SLC14A2: variants seen among roughly 807,000 people sequenced by gnomAD.
SLC14A2 encodes the protein urea transporter 2.
SLC14A2 carries 91 observed loss-of-function variants against 104.6 expected under a neutral mutation model. That is an observed-to-expected ratio of 0.87 (90% CI 0.73 to 1.04). SLC14A2 has a LOEUF of 1.04. Ranked by LOEUF, SLC14A2 falls within the 50% of genes least tolerant of loss-of-function variation. SLC14A2 has a pLI of 0.00. For missense variants in SLC14A2, 1,189 were observed against 1,156.0 expected (o/e 1.03, Z -0.41); for synonymous variants, 476 against 466.4 (o/e 1.02, Z -0.27).
chr18:45,187,032 G>A, the SLC14A2 span, among the ~76,000 whole-genome samples: 2 of 152,240 alleles, frequency 1.3e-5, no homozygotes, highest in Non-Finnish European at 2.9e-5. Flanking sequence ...GCCATTAGAT[G>A]GTTTTCAGAA....
intron 15 of SLC14A2, 39 bp from the exon 16 acceptor site, chr18:45,669,267 C>T (rs368079588): frequency 3.0e-5 from 46 of 1,551,116 alleles, no homozygotes; most frequent in Admixed American, 6.9e-5. Flanking sequence ...TATGACCAGG[C>T]GGCTTCCTGA....
At chr18:45,215,885 G>A (rs766473494) in intron 1 of SLC14A2, among the ~76,000 whole-genome samples, 2 of 151,880 alleles carry the variant, frequency 1.3e-5, no homozygotes, top group East Asian at 1.9e-4. Flanking sequence ...TTTGGCTTTG[G>A]TGGAATGAGA....
intron 1 of SLC14A2, among the ~76,000 whole-genome samples, chr18:45,366,569 A>G (rs1439429993): frequency 1.3e-5 from 2 of 152,080 alleles, no homozygotes; most frequent in Non-Finnish European, 2.9e-5. Flanking sequence ...TTCTCTTACT[A>G]TAGTGCCTTC....
chr18:45,392,667 G>A (rs984515994), intron 1 of SLC14A2, among the ~76,000 whole-genome samples: 1 of 152,064 alleles, frequency 6.6e-6, no homozygotes, highest in South Asian at 2.1e-4. Flanking sequence ...TATATTTAGT[G>A]CAAAAATATG....
intron 2 of SLC14A2, among the ~76,000 whole-genome samples, chr18:45,606,991 C>G (rs556379140): frequency 1.1e-4 from 17 of 152,236 alleles, no homozygotes; most frequent in African/African-American, 4.1e-4. Context: ...ACAGACATTG[C>G]AAATGAGAGG....
intron 1 of SLC14A2, among the ~76,000 whole-genome samples, chr18:45,308,770 T>C (rs1568145311): frequency 6.6e-6 from 1 of 152,236 alleles, no homozygotes; most frequent in Non-Finnish European, 1.5e-5. Context: ...ATATTTATTA[T>C]TTGATTCAGG....
chr18:45,273,001 G>A (rs576517300), intron 1 of SLC14A2, among the ~76,000 whole-genome samples: 37 of 152,186 alleles, frequency 2.4e-4, no homozygotes, highest in African/African-American at 7.9e-4. Flanking sequence ...ATCAGGAATC[G>A]TGCAATTGCA....
At chr18:45,290,393 G>A (rs1343410004) in intron 1 of SLC14A2, among the ~76,000 whole-genome samples, 4 of 152,196 alleles carry the variant, frequency 2.6e-5, no homozygotes, top group Non-Finnish European at 5.9e-5. Flanking sequence ...CTTCTTAGAG[G>A]CTTTATGTGA....
chr18:45,337,499 T>C (rs967855538), intron 1 of SLC14A2, among the ~76,000 whole-genome samples: 8 of 152,080 alleles, frequency 5.3e-5, no homozygotes, highest in Non-Finnish European at 1.0e-4. Context: ...AATCCTAAAC[T>C]TCCTCAACCA....
chr18:45,491,946 C>T (rs908552640), intron 2 of SLC14A2: 1 of 152,216 alleles, frequency 6.6e-6, no homozygotes, highest in African/African-American at 2.4e-5. Flanking sequence ...ATGGTAGGAA[C>T]ATGTTTCTCT....
At chr18:45,442,459 G>A (rs2086695863) in intron 1 of SLC14A2, among the ~76,000 whole-genome samples, 1 of 152,114 alleles carries the variant, frequency 6.6e-6, no homozygotes, top group Admixed American at 6.6e-5. Context: ...GGCATGTCAA[G>A]GCATCACTCA....
At chr18:45,416,492 C>G (rs569396657) in intron 1 of SLC14A2, among the ~76,000 whole-genome samples, 30 of 152,166 alleles carry the variant, frequency 2.0e-4, no homozygotes, top group African/African-American at 7.0e-4. Flanking sequence ...GTTAATCATC[C>G]TCGGAATCTG....
intron 1 of SLC14A2, among the ~76,000 whole-genome samples, chr18:45,218,053 A>G (rs575824601): frequency 1.3e-5 from 2 of 152,260 alleles, no homozygotes; most frequent in Non-Finnish European, 2.9e-5. Context: ...CATTTTAACG[A>G]TCTTTAAGTG....
intron 1 of SLC14A2, among the ~76,000 whole-genome samples, chr18:45,247,701 CTT>C (rs199702602): frequency 1.7e-4 from 23 of 138,258 alleles, no homozygotes; most frequent in East Asian, 6.3e-4. Flanking sequence ...TAATGTAGGC[CTT>C]TTTTTTTTTT....
In SLC14A2 at chr18:45,627,037, C is replaced by T. The variant is rs781158415; in HGVS notation, c.411C>T (p.Ser137=). The change falls in exon 4 of 20, where the codon AGC becomes AGT. Residue 137 remains serine, a synonymous_variant. Coordinates refer to ENST00000255226, the MANE Select transcript of SLC14A2 (RefSeq NM_007163.4). ...AQVMFINNPL[S]GLIIFIGLLI... Reference sequence around the variant, plus strand: ...TGATGTTCATCAACAATCCTCTCAGCGGCCTCATCATCTTCATAGGGCTGC... The same window carrying T: ...TGATGTTCATCAACAATCCTCTCAGTGGCCTCATCATCTTCATAGGGCTGC... The T allele has an allele frequency of 1.3e-5, 21 of 1,613,326 alleles. No homozygotes were observed. Among genetic ancestry groups the T allele is most frequent in the Admixed American group, 5.0e-5 (3 of 60,008 alleles).
intron 1 of SLC14A2, among the ~76,000 whole-genome samples, chr18:45,362,608 A>G (rs983357758): frequency 6.6e-6 from 1 of 152,218 alleles, no homozygotes; most frequent in African/African-American, 2.4e-5. Flanking sequence ...TTGCATGTTT[A>G]CAAGTTTAAA....
chr18:45,561,382 G>T, intron 2 of SLC14A2, among the ~76,000 whole-genome samples: 1 of 152,178 alleles, frequency 6.6e-6, no homozygotes. Flanking sequence ...GAGAGTGACA[G>T]CAAAACAAGC....
intron 2 of SLC14A2, among the ~76,000 whole-genome samples, chr18:45,556,498 C>T (rs2044134939): frequency 6.6e-6 from 1 of 152,132 alleles, no homozygotes; most frequent in Admixed American, 6.5e-5. Flanking sequence ...AAACTAAGAC[C>T]TTCAAGGAGG....
intron 1 of SLC14A2, among the ~76,000 whole-genome samples, chr18:45,313,790 A>G (rs2085101883): frequency 6.6e-6 from 1 of 152,226 alleles, no homozygotes; most frequent in African/African-American, 2.4e-5. Context: ...ATTTTTCAAC[A>G]TCTTACCTGT....
Sources: allele counts gnomAD v4.1 joint callset (sites outside exome capture counted in the v4.1 genomes callset), GRCh38; gene constraint gnomAD v4.1.1; transcripts MANE v1.5; gene names NCBI Gene and HGNC (gene_info 2026-07-23, HGNC 2026-07-21).